The following C1QTNF3 variants were observed in gnomAD, a reference collection of about 807,000 sequenced individuals.
C1QTNF3 encodes C1q and TNF related 3.
Under a neutral mutation model 32.6 loss-of-function variants are expected in C1QTNF3, and 26 were observed. That is an observed-to-expected ratio of 0.80 (90% CI 0.58 to 1.11). C1QTNF3 has a LOEUF of 1.11. Ranked by LOEUF, C1QTNF3 falls within the 50% of genes least tolerant of loss-of-function variation. The probability of loss-of-function intolerance (pLI) is 0.00; values close to 1 mark genes in which losing one functional copy is unlikely to be tolerated. For synonymous variants in C1QTNF3, 155 were observed against 146.0 expected, an observed-to-expected ratio of 1.06 and a Z score of -0.44; for missense variants, 362 against 398.2, an observed-to-expected ratio of 0.91 and a Z score of 0.77.
At chr5:34,029,185 C>T (rs1245116905) in intron 3 of C1QTNF3, among the ~76,000 whole-genome samples, 1 of 152,110 alleles carries the variant, frequency 6.6e-6, no homozygotes, top group Non-Finnish European at 1.5e-5. Context: ...ATGAAATTTT[C>T]CACTTATAGC....
At chr5:34,213,685 T>C in the C1QTNF3 span, among the ~76,000 whole-genome samples, 3 of 137,314 alleles carry the variant, frequency 2.2e-5, no homozygotes, top group South Asian at 6.9e-4. Flanking sequence ...ACATTTCTGT[T>C]GTGTGTGTGT....
the C1QTNF3 span, among the ~76,000 whole-genome samples, chr5:34,242,958 CACACACTAT>C: frequency 6.8e-6 from 1 of 147,946 alleles, no homozygotes; most frequent in Non-Finnish European, 1.5e-5. Flanking sequence ...CAACACACAA[CACACACTAT>C]AATTTTCTGT....
the C1QTNF3 span, among the ~76,000 whole-genome samples, chr5:34,194,696 A>G: frequency 6.6e-6 from 1 of 152,300 alleles, no homozygotes; most frequent in South Asian, 2.1e-4. Context: ...TTAGAATGAA[A>G]GTTCCGTGAG....
the C1QTNF3 span, chr5:34,124,069 A>G: frequency 1.1e-5 from 2 of 180,980 alleles, no homozygotes; most frequent in Admixed American, 1.1e-4. Flanking sequence ...ACAGATGTAT[A>G]GGTACTTTAA....
At chr5:34,116,253 T>A in the C1QTNF3 span, among the ~76,000 whole-genome samples, 3 of 152,116 alleles carry the variant, frequency 2.0e-5, no homozygotes, top group East Asian at 3.9e-4. Flanking sequence ...TTTTAAAAAA[T>A]TTTATTGAGG....
At chr5:34,068,770 T>C in the C1QTNF3 span, among the ~76,000 whole-genome samples, 3 of 152,160 alleles carry the variant, frequency 2.0e-5, no homozygotes, top group African/African-American at 4.8e-5. Flanking sequence ...AATACTGTTA[T>C]CAAACTTGTG....
chr5:34,224,967 A>C, the C1QTNF3 span, among the ~76,000 whole-genome samples: 2 of 152,144 alleles, frequency 1.3e-5, no homozygotes, highest in Non-Finnish European at 2.9e-5. Context: ...AAAAAAACAA[A>C]CAACCTCATC....
chr5:34,137,554 C>T, the C1QTNF3 span, among the ~76,000 whole-genome samples: 1 of 152,120 alleles, frequency 6.6e-6, no homozygotes, highest in Non-Finnish European at 1.5e-5. Context: ...ATACAAAACA[C>T]TATATGTGGG....
chr5:34,063,044 C>T, the C1QTNF3 span, among the ~76,000 whole-genome samples: 13 of 151,960 alleles, frequency 8.6e-5, no homozygotes, highest in Non-Finnish European at 1.5e-4. Context: ...TACGGGTTGT[C>T]GGTGGTCTCG....
chr5:34,045,190 G>C (rs1754967276), upstream of C1QTNF3, among the ~76,000 whole-genome samples: 1 of 152,172 alleles, frequency 6.6e-6, no homozygotes, highest in African/African-American at 2.4e-5. Context: ...CCACGAAGTG[G>C]GCCATACTGC....
At chr5:34,130,953 T>C in the C1QTNF3 span, among the ~76,000 whole-genome samples, 1 of 152,346 alleles carries the variant, frequency 6.6e-6, no homozygotes, top group South Asian at 2.1e-4. Flanking sequence ...CATACTTTAT[T>C]TAACAGTTTG....
chr5:34,172,451 G>C, the C1QTNF3 span, among the ~76,000 whole-genome samples: 1 of 151,370 alleles, frequency 6.6e-6, no homozygotes, highest in East Asian at 1.9e-4. Context: ...GGGGGGGGCG[G>C]GGGGAACTAA....
the C1QTNF3 span, among the ~76,000 whole-genome samples, chr5:34,172,342 T>A: frequency 6.9e-6 from 1 of 144,508 alleles, no homozygotes; most frequent in African/African-American, 2.6e-5. Flanking sequence ...TTACTCTCTC[T>A]CAAAATATCT....
chr5:34,095,096 A>C, the C1QTNF3 span, among the ~76,000 whole-genome samples: 1 of 152,002 alleles, frequency 6.6e-6, no homozygotes, highest in Non-Finnish European at 1.5e-5. Context: ...GAATAGGGTG[A>C]CTATAGTTAA....
intron 1 of C1QTNF3, among the ~76,000 whole-genome samples, chr5:34,042,612 C>T (rs888760418): frequency 1.3e-5 from 2 of 152,170 alleles, no homozygotes; most frequent in African/African-American, 2.4e-5. Flanking sequence ...CCCATCACAT[C>T]ATTGCTGCCT....
the C1QTNF3 span, among the ~76,000 whole-genome samples, chr5:34,077,953 G>A: frequency 6.6e-6 from 1 of 151,738 alleles, no homozygotes; most frequent in Non-Finnish European, 1.5e-5. Context: ...AAATAGAGAG[G>A]ACTGCAGCAT....
the C1QTNF3 span, among the ~76,000 whole-genome samples, chr5:34,054,905 C>G: frequency 2.0e-5 from 3 of 152,112 alleles, no homozygotes; most frequent in South Asian, 6.2e-4. Flanking sequence ...CATATGTAGA[C>G]CAAAAAGCAC....
chr5:34,167,523 T>A, the C1QTNF3 span: 3 of 152,238 alleles, frequency 2.0e-5, no homozygotes, highest in African/African-American at 7.2e-5. Context: ...ACAGCTCTGA[T>A]TAGTCCACTT....
the C1QTNF3 span, among the ~76,000 whole-genome samples, chr5:34,177,212 C>T: frequency 4.6e-5 from 7 of 152,218 alleles, no homozygotes; most frequent in East Asian, 7.7e-4. Flanking sequence ...TAAATTAAAC[C>T]AAATAAATTC....
Sources: allele counts gnomAD v4.1 joint callset (sites outside exome capture counted in the v4.1 genomes callset), GRCh38; gene constraint gnomAD v4.1.1; transcripts MANE v1.5; gene names NCBI Gene and HGNC (gene_info 2026-07-23, HGNC 2026-07-21).